The following TCERG1L variants were observed in gnomAD, a reference collection of about 807,000 sequenced individuals.
The protein encoded by TCERG1L is transcription elongation regulator 1-like protein.
In TCERG1L, 37 loss-of-function variants were observed where a neutral mutation model predicts 56.3. That is an observed-to-expected ratio of 0.66 (90% CI 0.51 to 0.87). The LOEUF (loss-of-function observed/expected upper bound fraction) is 0.87. Among genes scored for constraint, TCERG1L ranks in the 40% least tolerant of loss-of-function variants. The pLI is 0.00. For missense variants in TCERG1L, 799 were observed against 774.2 expected, an observed-to-expected ratio of 1.03 and a Z score of -0.38; for synonymous variants, 324 against 326.3, an observed-to-expected ratio of 0.99 and a Z score of 0.08.
chr10:131,177,619 G>A (rs748317286), intron 4 of TCERG1L, among the ~76,000 whole-genome samples: 6 of 152,166 alleles, frequency 3.9e-5, no homozygotes, highest in East Asian at 1.9e-4. Flanking sequence ...CCCCTTTTAC[G>A]GGCGTTAACA....
At chr10:131,299,449 TCA>T (rs1324182701) in intron 3 of TCERG1L, among the ~76,000 whole-genome samples, 2 of 152,180 alleles carry the variant, frequency 1.3e-5, no homozygotes, top group Non-Finnish European at 2.9e-5. Context: ...ATAACTCTTT[TCA>T]CAGTTTTAAG....
chr10:131,173,622 C>T (rs1286031906), intron 4 of TCERG1L, among the ~76,000 whole-genome samples: 2 of 152,212 alleles, frequency 1.3e-5, no homozygotes, highest in Non-Finnish European at 2.9e-5. Context: ...TTGCCAGCCC[C>T]GGCGCAAGGC....
At chr10:131,174,672 C>T (rs1846128732) in intron 4 of TCERG1L, among the ~76,000 whole-genome samples, 2 of 152,218 alleles carry the variant, frequency 1.3e-5, no homozygotes, top group African/African-American at 4.8e-5. Context: ...GTAGTGATTT[C>T]AGAGTTGACA....
At chr10:131,225,893 C>T (rs535738181) in intron 4 of TCERG1L, among the ~76,000 whole-genome samples, 1 of 152,318 alleles carries the variant, frequency 6.6e-6, no homozygotes, top group East Asian at 1.9e-4. Flanking sequence ...GAAAAATACA[C>T]ATCTCAGAGC....
chr10:131,159,577 C>T (rs1265706824), intron 6 of TCERG1L, among the ~76,000 whole-genome samples: 1 of 152,154 alleles, frequency 6.6e-6, no homozygotes, highest in African/African-American at 2.4e-5. Context: ...AGTGTGTCTC[C>T]ATGAGACCCT....
rs1445409963 is a variant in TCERG1L, at chr10:131,311,057, G to C, written c.342+237C>G. Reference sequence around the variant, plus strand: ...GGGCCTGGGCGGCGGGTCCCTCCACGGCTCCGTCCAGACACCCGGAGGCAC... The same window carrying C: ...GGGCCTGGGCGGCGGGTCCCTCCACCGCTCCGTCCAGACACCCGGAGGCAC... On this transcript the variant is annotated intron_variant, in intron 1 of 11. Transcript: ENST00000368642. The surrounding 1 kb of genome is among the most constrained non-coding windows in gnomAD (Gnocchi z 4.0). 6.6e-6 allele frequency among the ~76,000 whole-genome samples: 1 copy of C among 152,062 alleles called. No individual in the cohort carries two copies. Among genetic ancestry groups the C allele is most frequent in the Non-Finnish European group, 1.5e-5 (1 of 67,980 alleles).
At position 131,118,075 on chromosome 10, in the gene TCERG1L, C is replaced by T. The variant is rs912270877; in HGVS notation, c.1260-1141G>A. Among the ~76,000 whole-genome samples, 6 of 152,134 alleles carry T rather than the reference C, an allele frequency of 3.9e-5. No individual in the cohort carries two copies. Among genetic ancestry groups the T allele is most frequent in the Non-Finnish European group, 5.9e-5 (4 of 68,012 alleles). ...CCTCACTCTGACCATGCTGAGCCCT[C>T]GTGGGCCTGCTCCCTGGCCTGGCCC... On this transcript the variant is annotated intron_variant, in intron 8 of 11. Transcript: ENST00000368642. The surrounding 1 kb of genome is among the most constrained non-coding windows in gnomAD (Gnocchi z 4.2).
intron 4 of TCERG1L, among the ~76,000 whole-genome samples, chr10:131,188,896 C>T (rs1034713861): frequency 3.3e-5 from 5 of 152,174 alleles, no homozygotes; most frequent in South Asian, 4.1e-4. Flanking sequence ...AGTTATTTTA[C>T]GCATTTTCAG....
intron 1 of TCERG1L, among the ~76,000 whole-genome samples, chr10:131,310,469 CAT>C (rs1296402809): frequency 2.0e-5 from 3 of 152,200 alleles, no homozygotes; most frequent in Non-Finnish European, 4.4e-5. Flanking sequence ...TGTATTCTAA[CAT>C]AACACCCGTT....
Position 131,098,434 on chromosome 10 carries a change from C to T in TCERG1L, c.1486-10G>A, listed in dbSNP as rs1845271607. 2 of 1,535,654 alleles carry T rather than the reference C, an allele frequency of 1.3e-6. No homozygotes were observed. The highest frequency in any genetic ancestry group is 1.7e-6 in the Non-Finnish European group (2 of 1,144,096). On this transcript the variant is annotated splice_polypyrimidine_tract_variant and intron_variant, in intron 10 of 11. Transcript: ENST00000368642. ...CAAACTGTTCAAATATCTTAAAACA[C>T]AGATACAGAAGAAAAACATCATGAA...
intron 7 of TCERG1L, among the ~76,000 whole-genome samples, chr10:131,145,809 A>G (rs955527581): frequency 2.0e-5 from 3 of 152,222 alleles, no homozygotes; most frequent in African/African-American, 7.2e-5. Context: ...CTGCTCTCAA[A>G]TGTCTGCAGT....
At chr10:131,214,118 A>G (rs1164775691) in intron 4 of TCERG1L, among the ~76,000 whole-genome samples, 2 of 152,210 alleles carry the variant, frequency 1.3e-5, no homozygotes, top group Non-Finnish European at 2.9e-5. Context: ...AAGCCCTTGA[A>G]GAATGTAGAA....
At chr10:131,098,878 T>C (rs1564791277) in intron 10 of TCERG1L, among the ~76,000 whole-genome samples, 1 of 152,196 alleles carries the variant, frequency 6.6e-6, no homozygotes, top group Non-Finnish European at 1.5e-5. Context: ...TAGTTCGTGC[T>C]AGTCACTTCC....
intron 3 of TCERG1L, among the ~76,000 whole-genome samples, chr10:131,305,535 G>A (rs1251793757): frequency 1.3e-5 from 2 of 151,968 alleles, no homozygotes; most frequent in African/African-American, 4.8e-5. Context: ...CCTGCCTTCT[G>A]GGTTACATCA....
intron 6 of TCERG1L, chr10:131,162,238 T>G (rs565475107): frequency 6.6e-6 from 1 of 152,318 alleles, no homozygotes; most frequent in African/African-American, 2.4e-5. Flanking sequence ...CAAAGAGGTC[T>G]CACCCCGAGG....
intron 6 of TCERG1L, 146 bp from the exon 7 acceptor site, chr10:131,146,806 A>G (rs1845800853): frequency 1.1e-6 from 1 of 874,430 alleles, no homozygotes; most frequent in African/African-American, 1.7e-5. Flanking sequence ...AATACTAAAG[A>G]CAAAGCCTGC....
intron 6 of TCERG1L, among the ~76,000 whole-genome samples, chr10:131,158,130 C>T (rs1230589571): frequency 3.3e-5 from 5 of 152,348 alleles, no homozygotes; most frequent in South Asian, 2.1e-4. Context: ...CTAAGGATGC[C>T]GCCCGTCCGC....
chr10:131,108,769 G>A (rs565693162), intron 9 of TCERG1L, among the ~76,000 whole-genome samples: 12 of 152,298 alleles, frequency 7.9e-5, no homozygotes, highest in African/African-American at 2.2e-4. Flanking sequence ...CTTTGCTCGC[G>A]TCTGGTGCTT....
chr10:131,229,631 A>G (rs1232330235), intron 4 of TCERG1L, among the ~76,000 whole-genome samples: 3 of 152,152 alleles, frequency 2.0e-5, no homozygotes, highest in African/African-American at 7.2e-5. Context: ...ACCCCAAAAT[A>G]GCCCAAGACA....
Sources: allele counts gnomAD v4.1 joint callset (sites outside exome capture counted in the v4.1 genomes callset), GRCh38; gene constraint gnomAD v4.1.1; non-coding constraint Gnocchi (gnomAD v3.1); transcripts MANE v1.5; gene names NCBI Gene and HGNC (gene_info 2026-07-23, HGNC 2026-07-21).